The following CADM1 variants were observed in gnomAD, a reference collection of about 807,000 sequenced individuals.
The protein encoded by CADM1 is TSLC-1.
In CADM1, 15 loss-of-function variants were observed where a neutral mutation model predicts 53.1. That is an observed-to-expected ratio of 0.28 (90% CI 0.19 to 0.44). The LOEUF is 0.44. Among genes scored for constraint, CADM1 ranks in the 20% least tolerant of loss-of-function variants. CADM1 has a pLI of 1.00. For missense variants in CADM1, 434 were observed against 611.3 expected, an observed-to-expected ratio of 0.71 and a Z score of 3.06; for synonymous variants, 281 against 243.0, an observed-to-expected ratio of 1.16 and a Z score of -1.45.
chr11:115,401,410 C>T (rs550635339), intron 1 of CADM1, among the ~76,000 whole-genome samples: 13 of 152,140 alleles, frequency 8.5e-5, no homozygotes, highest in African/African-American at 2.9e-4. Flanking sequence ...AGTTTCAGAC[C>T]AGCCTGGCCA....
intron 1 of CADM1, among the ~76,000 whole-genome samples, chr11:115,405,456 T>A (rs1469628359): frequency 6.6e-6 from 1 of 152,152 alleles, no homozygotes; most frequent in African/African-American, 2.4e-5. Flanking sequence ...CAACTCCACT[T>A]CCAGGTGTTA....
chr11:115,412,384 T>C (rs1947480292), intron 1 of CADM1, among the ~76,000 whole-genome samples: 1 of 152,094 alleles, frequency 6.6e-6, no homozygotes. Flanking sequence ...TTTTTAGAGA[T>C]AGGATCTTGC....
intron 1 of CADM1, among the ~76,000 whole-genome samples, chr11:115,320,601 T>C (rs968246952): frequency 1.3e-5 from 2 of 152,128 alleles, no homozygotes; most frequent in South Asian, 4.2e-4. Context: ...TAATGTTTTA[T>C]TCCTACAAGA....
intron 1 of CADM1, among the ~76,000 whole-genome samples, chr11:115,364,396 T>A (rs1591749442): frequency 6.6e-6 from 1 of 152,194 alleles, no homozygotes; most frequent in East Asian, 1.9e-4. Context: ...TTTTCCTTTT[T>A]AAGTAATCAC....
chr11:115,501,338 C>T (rs961779836), intron 1 of CADM1, among the ~76,000 whole-genome samples: 1 of 152,254 alleles, frequency 6.6e-6, no homozygotes, highest in Non-Finnish European at 1.5e-5. Flanking sequence ...GTCTCTATCC[C>T]CGGTTTGCAA....
chr11:115,254,587 CACACACAG>C lies in CADM1; in HGVS notation c.125-14175_125-14168del, dbSNP rs1485997699. Among the ~76,000 whole-genome samples the C allele has an allele frequency of 6.5e-4, 96 of 148,104 alleles. No homozygotes were observed. In the East Asian group the frequency reaches 0.01, roughly 16 times the overall value. ...ACACACACACACACACACACACACA[CACACACAG>C]AGACAACAAACGCATACTTGTAAGT... On this transcript the variant is annotated intron_variant, in intron 1 of 11. Coordinates refer to ENST00000331581, the MANE Select transcript of CADM1 (RefSeq NM_001301043.2).
chr11:115,291,196 GT>G (rs1156892701), intron 1 of CADM1, among the ~76,000 whole-genome samples: 2 of 152,032 alleles, frequency 1.3e-5, no homozygotes, highest in Admixed American at 1.3e-4. Context: ...GAGGATGTGT[GT>G]TCCAGGAAAT....
intron 1 of CADM1, among the ~76,000 whole-genome samples, chr11:115,425,711 C>A (rs570394961): frequency 6.6e-6 from 1 of 152,296 alleles, no homozygotes; most frequent in African/African-American, 2.4e-5. Flanking sequence ...ATAATATGTA[C>A]CTCTCTTCCA....
chr11:115,216,211 G>C (rs1207146957), intron 6 of CADM1, among the ~76,000 whole-genome samples: 1 of 152,212 alleles, frequency 6.6e-6, no homozygotes, highest in East Asian at 1.9e-4. Context: ...CATGCTAGAA[G>C]GGGTAGCAGT....
chr11:115,364,278 A>G (rs544469973), intron 1 of CADM1, among the ~76,000 whole-genome samples: 2 of 152,198 alleles, frequency 1.3e-5, no homozygotes, highest in Non-Finnish European at 2.9e-5. Context: ...AGGCCAAGTT[A>G]TTTCAAATGT....
chr11:115,261,848 C>T (rs1942983762), intron 1 of CADM1, among the ~76,000 whole-genome samples: 1 of 151,164 alleles, frequency 6.6e-6, no homozygotes, highest in Non-Finnish European at 1.5e-5. Flanking sequence ...GGTTCAATCT[C>T]GGCTCACTGC....
At chr11:115,308,190 G>A (rs1390818911) in intron 1 of CADM1, among the ~76,000 whole-genome samples, 4 of 53,652 alleles carry the variant, frequency 7.5e-5, no homozygotes, top group South Asian at 7.9e-4. Flanking sequence ...TCACTCATAG[G>A]TGTGTATATA....
chr11:115,356,267 A>G (rs1198151151), intron 1 of CADM1, among the ~76,000 whole-genome samples: 1 of 148,660 alleles, frequency 6.7e-6, no homozygotes, highest in Non-Finnish European at 1.5e-5. Context: ...TACATATTAT[A>G]TAATATAATG....
chr11:115,263,659 A>C (rs551205077), intron 1 of CADM1, among the ~76,000 whole-genome samples: 1 of 152,306 alleles, frequency 6.6e-6, no homozygotes, highest in East Asian at 1.9e-4. Flanking sequence ...ATTATTACTA[A>C]TATTTTTGTT....
chr11:115,390,339 G>C (rs1946803653), intron 1 of CADM1, among the ~76,000 whole-genome samples: 2 of 151,830 alleles, frequency 1.3e-5, no homozygotes, highest in South Asian at 4.2e-4. Flanking sequence ...GGGAAATGGT[G>C]ATATTCACTG....
At chr11:115,265,506 A>G (rs1395231507) in intron 1 of CADM1, among the ~76,000 whole-genome samples, 1 of 152,206 alleles carries the variant, frequency 6.6e-6, no homozygotes, top group East Asian at 1.9e-4. Context: ...TCCACACAGA[A>G]AACGCTTTTG....
chr11:115,325,146 T>C (rs1201889275), intron 1 of CADM1, among the ~76,000 whole-genome samples: 1 of 152,210 alleles, frequency 6.6e-6, no homozygotes, highest in East Asian at 1.9e-4. Flanking sequence ...AACCAACTGC[T>C]ATTTAAAACC....
rs571796553 is a variant in CADM1 at position 115,323,281 on chromosome 11, G to T, written c.125-82861C>A. Among the ~76,000 whole-genome samples the T allele has an allele frequency of 4.6e-5, 7 of 152,120 alleles. No individual in the cohort carries two copies. In the South Asian group the frequency reaches 1.5e-3, roughly 32 times the overall value. ...TGAGCAACTTTTAGTCAACTATTCG[G>T]TAGAAATATATAAAATATTGTATCT... On this transcript the variant is annotated intron_variant, in intron 1 of 11. Coordinates refer to ENST00000331581, the MANE Select transcript of CADM1 (RefSeq NM_001301043.2).
At chr11:115,373,453 T>C (rs570127603) in intron 1 of CADM1, among the ~76,000 whole-genome samples, 13 of 151,368 alleles carry the variant, frequency 8.6e-5, no homozygotes, top group African/African-American at 2.9e-4. Flanking sequence ...GGTGTGGTGG[T>C]GCACGCCTGT....
Sources: gnomAD v4.1 joint callset for allele counts (sites outside exome capture counted in the v4.1 genomes callset) on GRCh38, gnomAD v4.1.1 for gene constraint, MANE v1.5 for transcripts, NCBI Gene and HGNC (gene_info 2026-07-23, HGNC 2026-07-21) for gene names.